TFEC: variants seen among roughly 807,000 people sequenced by gnomAD.
TFEC encodes transcription factor EC, also known as class E basic helix-loop-helix protein 34.
In TFEC, 31 loss-of-function variants were observed where a neutral mutation model predicts 41.6. The ratio of observed to expected loss-of-function variants is 0.74; its 90% CI spans 0.56 to 1.01. TFEC has a LOEUF of 1.01. Ranked by LOEUF, TFEC falls within the 50% of genes least tolerant of loss-of-function variation. The pLI is 0.00. For synonymous variants in TFEC, 143 were observed against 140.6 expected (o/e 1.02, Z -0.12); for missense variants, 402 against 404.1 (o/e 0.99, Z 0.04).
intron 1 of TFEC, among the ~76,000 whole-genome samples, chr7:116,113,509 T>C (rs1797903446): frequency 6.6e-6 from 1 of 151,960 alleles, no homozygotes; most frequent in African/African-American, 2.4e-5. Flanking sequence ...ATTTCTCTTG[T>C]CTTAAGTCAC....
At chr7:115,981,968 T>C (rs1448684674) in intron 2 of TFEC, among the ~76,000 whole-genome samples, 1 of 152,154 alleles carries the variant, frequency 6.6e-6, no homozygotes, top group Non-Finnish European at 1.5e-5. Flanking sequence ...TGCAGAAGGG[T>C]CCATGTGCTA....
At chr7:116,126,181 G>A (rs1798205160) in intron 1 of TFEC, among the ~76,000 whole-genome samples, 1 of 151,762 alleles carries the variant, frequency 6.6e-6, no homozygotes. Flanking sequence ...ATGTGTTCAG[G>A]GGATAAAAGA....
At chr7:116,157,553 G>A (rs913714600) in intron 1 of TFEC, among the ~76,000 whole-genome samples, 6 of 151,252 alleles carry the variant, frequency 4.0e-5, no homozygotes, top group African/African-American at 1.5e-4. Context: ...AGTAGGGAAT[G>A]AGCAGTCTTG....
intron 1 of TFEC, among the ~76,000 whole-genome samples, chr7:116,002,506 G>A (rs1167892014): frequency 6.6e-6 from 1 of 152,182 alleles, no homozygotes; most frequent in Non-Finnish European, 1.5e-5. Context: ...CTATGTAATA[G>A]AACAATGGTT....
At chr7:115,954,669 C>T in intron 4 of TFEC, 27 bp from the exon 5 acceptor site, 1 of 1,594,886 alleles carries the variant, frequency 6.3e-7, no homozygotes. Flanking sequence ...TAATAAAAAC[C>T]ATGCTTAGTT....
chr7:116,023,844 A>T (rs1478030949), intron 1 of TFEC, among the ~76,000 whole-genome samples: 1 of 152,148 alleles, frequency 6.6e-6, no homozygotes, highest in Non-Finnish European at 1.5e-5. Context: ...CTTTTTATGT[A>T]GATTCCATCA....
At chr7:115,941,767 A>C (rs1793514648) in intron 7 of TFEC, 126 bp downstream of exon 7, 1 of 1,328,896 alleles carries the variant, frequency 7.5e-7, no homozygotes, top group East Asian at 2.4e-5. Context: ...AAAAGCAGTA[A>C]AATTATCCTT....
intron 3 of TFEC, among the ~76,000 whole-genome samples, chr7:115,960,544 C>T (rs1329409240): frequency 2.6e-5 from 4 of 151,578 alleles, no homozygotes; most frequent in Non-Finnish European, 5.9e-5. Context: ...CCATGTAACT[C>T]GATCCAGATA....
chr7:115,983,731 G>C (rs182634445), intron 2 of TFEC, among the ~76,000 whole-genome samples: 1 of 151,722 alleles, frequency 6.6e-6, no homozygotes, highest in Non-Finnish European at 1.5e-5. Flanking sequence ...TCTAAATTTC[G>C]GTTATTTAGT....
chr7:115,959,010 C>T (rs1007730202), intron 3 of TFEC, among the ~76,000 whole-genome samples: 4 of 151,764 alleles, frequency 2.6e-5, no homozygotes, highest in African/African-American at 7.3e-5. Flanking sequence ...CTTCTATCAA[C>T]ATTTGTCAAA....
At chr7:115,979,573 A>G (rs1793533051) in intron 2 of TFEC, among the ~76,000 whole-genome samples, 1 of 152,108 alleles carries the variant, frequency 6.6e-6, no homozygotes, top group African/African-American at 2.4e-5. Flanking sequence ...AATCTTATTG[A>G]CCGTTCTAAG....
chr7:116,063,544 G>C (rs528437379), intron 3 of TFEC, among the ~76,000 whole-genome samples: 98 of 152,244 alleles, frequency 6.4e-4, no homozygotes, highest in African/African-American at 2.3e-3. Flanking sequence ...ACTTGAACCT[G>C]GGAGATGGAG....
chr7:115,988,910 C>G (rs1793977435), intron 1 of TFEC, among the ~76,000 whole-genome samples: 3 of 152,104 alleles, frequency 2.0e-5, no homozygotes, highest in Non-Finnish European at 4.4e-5. Context: ...TTACATCTGA[C>G]TCTTCCTTAC....
At chr7:115,989,099 A>T (rs1793986734) in intron 1 of TFEC, among the ~76,000 whole-genome samples, 1 of 152,200 alleles carries the variant, frequency 6.6e-6, no homozygotes, top group Admixed American at 6.5e-5. Context: ...CCTTACAAGA[A>T]ATGCTTTTAA....
intron 3 of TFEC, among the ~76,000 whole-genome samples, chr7:116,069,294 G>C (rs1423526183): frequency 1.3e-5 from 2 of 151,482 alleles, no homozygotes; most frequent in African/African-American, 2.4e-5. Context: ...AAGAGATAAT[G>C]AGAGTATTAT....
intron 1 of TFEC, among the ~76,000 whole-genome samples, chr7:116,147,768 T>C (rs1299811101): frequency 6.6e-6 from 1 of 152,176 alleles, no homozygotes; most frequent in Non-Finnish European, 1.5e-5. Context: ...GCTGTCAACG[T>C]AGAATCTTAT....
At chr7:116,030,562 A>C in intron 1 of TFEC, 71 bp downstream of exon 1, 1 of 896,204 alleles carries the variant, frequency 1.1e-6, no homozygotes, top group Non-Finnish European at 1.3e-6. Flanking sequence ...AAAATAAAAC[A>C]AGTATTGATT....
At chr7:116,119,445 AAAC>A (rs1303642971) in intron 1 of TFEC, among the ~76,000 whole-genome samples, 10 of 151,860 alleles carry the variant, frequency 6.6e-5, no homozygotes, top group East Asian at 1.9e-4. Flanking sequence ...AATCTCTGAG[AAAC>A]AACAAGAAAA....
At chr7:116,036,757 T>C (rs1795921264) in intron 3 of TFEC, among the ~76,000 whole-genome samples, 2 of 151,910 alleles carry the variant, frequency 1.3e-5, no homozygotes, top group Admixed American at 1.3e-4. Context: ...TAATCCATAA[T>C]AAAAAAAGTA....
Sources: gnomAD v4.1 joint callset for allele counts (sites outside exome capture counted in the v4.1 genomes callset) on GRCh38, gnomAD v4.1.1 for gene constraint, MANE v1.5 for transcripts, NCBI Gene and HGNC (gene_info 2026-07-23, HGNC 2026-07-21) for gene names.